Variants in MYO1E observed in about 807,000 individuals in gnomAD.
MYO1E encodes the protein myosin IE.
In MYO1E, 68 loss-of-function variants were observed where a neutral mutation model predicts 151.1. The ratio of observed to expected loss-of-function variants is 0.45; its 90% CI spans 0.37 to 0.55. The LOEUF is 0.55. Ranked by LOEUF, MYO1E falls within the 20% of genes least tolerant of loss-of-function variation. The pLI is 0.00. For synonymous variants in MYO1E, 601 were observed against 501.7 expected (o/e 1.20, Z -2.64); for missense variants, 1,363 against 1,389.3 (o/e 0.98, Z 0.30).
At chr15:59,341,409 T>C (rs1209168006) in intron 1 of MYO1E, 1 of 152,206 alleles carries the variant, frequency 6.6e-6, no homozygotes, top group Admixed American at 6.5e-5. Context: ...TACGTGTTAC[T>C]GTGAGCATGC....
At chr15:59,239,429 A>G (rs1256964083) in intron 4 of MYO1E, among the ~76,000 whole-genome samples, 3 of 151,496 alleles carry the variant, frequency 2.0e-5, no homozygotes, top group Non-Finnish European at 4.4e-5. Context: ...ACAAGCTGGG[A>G]AAGAGAGAGA....
intron 1 of MYO1E, among the ~76,000 whole-genome samples, chr15:59,369,999 C>G (rs2080935826): frequency 6.6e-6 from 1 of 152,086 alleles, no homozygotes; most frequent in Non-Finnish European, 1.5e-5. Flanking sequence ...TTAACTGAAA[C>G]AGGGTCTCAC....
intron 16 of MYO1E, among the ~76,000 whole-genome samples, chr15:59,200,866 T>C (rs956339145): frequency 8.5e-5 from 13 of 152,102 alleles, no homozygotes; most frequent in African/African-American, 2.9e-4. Flanking sequence ...GTGAGGGCAC[T>C]GAGAGCGTAA....
intron 9 of MYO1E, among the ~76,000 whole-genome samples, chr15:59,221,055 C>A (rs1183840461): frequency 7.0e-6 from 1 of 143,374 alleles, no homozygotes; most frequent in Non-Finnish European, 1.5e-5. Flanking sequence ...TATACACACA[C>A]ATAATTTTTT....
chr15:59,146,692 CATT>C (rs2079443412), intron 26 of MYO1E, among the ~76,000 whole-genome samples: 1 of 148,930 alleles, frequency 6.7e-6, no homozygotes, highest in African/African-American at 2.4e-5. Context: ...AATAAAGGCT[CATT>C]ATATATATAA....
At chr15:59,330,361 T>G (rs192412653) in intron 1 of MYO1E, among the ~76,000 whole-genome samples, 21 of 152,304 alleles carry the variant, frequency 1.4e-4, no homozygotes, top group African/African-American at 5.1e-4. Context: ...GAATCCAGTT[T>G]CCAGCTTTAA....
Position 59,205,497 on chromosome 15 carries a change from T to G in MYO1E, c.1531-12A>C. ...ATGTCATAGGATACCTGGCCAAGAA[T>G]GGAAAGAAATCGAATTTCATTGAAC... On this transcript the variant is annotated splice_polypyrimidine_tract_variant and intron_variant, in intron 14 of 27. Coordinates refer to ENST00000288235, the MANE Select transcript of MYO1E (RefSeq NM_004998.4). The G allele has an allele frequency of 6.2e-7, 1 of 1,606,342 alleles. No individual in the cohort carries two copies. The highest frequency in any genetic ancestry group is 8.5e-7 in the Non-Finnish European group (1 of 1,172,906).
At chr15:59,140,065 G>GTT (rs1437831075) in intron 26 of MYO1E, among the ~76,000 whole-genome samples, 16 of 129,442 alleles carry the variant, frequency 1.2e-4, no homozygotes, top group Non-Finnish European at 6.4e-5. Flanking sequence ...GGAATTCTCT[G>GTT]TTGTGTGTGT....
chr15:59,358,362 C>G (rs1439191615), intron 1 of MYO1E, among the ~76,000 whole-genome samples: 1 of 152,156 alleles, frequency 6.6e-6, no homozygotes, highest in South Asian at 2.1e-4. Context: ...ATGTCTCCTG[C>G]CTTCTCCAGC....
intron 26 of MYO1E, among the ~76,000 whole-genome samples, chr15:59,143,982 G>A (rs1214811030): frequency 6.6e-6 from 1 of 152,152 alleles, no homozygotes; most frequent in Non-Finnish European, 1.5e-5. Context: ...AGTGACTTGT[G>A]TGGCTATTTG....
chr15:59,275,270 A>G (rs1323534176), intron 1 of MYO1E, among the ~76,000 whole-genome samples: 3 of 152,188 alleles, frequency 2.0e-5, no homozygotes, highest in African/African-American at 7.2e-5. Flanking sequence ...AAAAAGACAT[A>G]CAATTTTTAT....
chr15:59,169,709 G>C (rs781339795), intron 22 of MYO1E, among the ~76,000 whole-genome samples: 1 of 152,130 alleles, frequency 6.6e-6, no homozygotes, highest in South Asian at 2.1e-4. Context: ...GTGCTCCCAT[G>C]ACAGATTATA....
Position 59,196,155 on chromosome 15 carries a change from C to T in MYO1E, c.1699-588G>A, listed in dbSNP as rs537357108. 2.0e-5 allele frequency among the ~76,000 whole-genome samples: 3 copies of T among 152,256 alleles called. No homozygotes were observed. In the South Asian group the frequency reaches 6.2e-4, roughly 32 times the overall value. On this transcript the variant is annotated intron_variant, in intron 16 of 27. Transcript: ENST00000288235. ...ATTCCATTTCATTCAGTTTCTTCCT[C>T]AATATGGCCATTTAAAAACCTGCAG...
chr15:59,261,634 C>T lies in MYO1E; in HGVS notation c.148-125G>A, dbSNP rs558876629. The T allele has an allele frequency of 4.3e-6, 3 of 694,024 alleles. No homozygotes were observed. The South Asian group carries it at 4.9e-5, about 11-fold the overall frequency. 43.0% of individuals were successfully genotyped at this position (694,024 alleles called of 1,614,324 possible). ...AGTGGAAAGTTTGTGTACTTGTTTT[C>T]TAAAAGATTACAAGTAAAGACGAAA... On this transcript the variant is annotated intron_variant, in intron 2 of 27. Transcript: ENST00000288235.
intron 4 of MYO1E, among the ~76,000 whole-genome samples, chr15:59,248,966 G>A (rs977415482): frequency 1.3e-5 from 2 of 152,154 alleles, no homozygotes; most frequent in Non-Finnish European, 2.9e-5. Flanking sequence ...ATGAATTGGG[G>A]TCTGATTCAC....
intron 1 of MYO1E, 151 bp downstream of exon 1, chr15:59,372,347 G>A (rs1232188090): frequency 2.1e-6 from 2 of 953,470 alleles, no homozygotes; most frequent in Non-Finnish European, 3.2e-6. Flanking sequence ...TACGGAAAGC[G>A]GCAGGAAATC....
intron 4 of MYO1E, among the ~76,000 whole-genome samples, chr15:59,250,625 C>T (rs553241219): frequency 4.6e-5 from 7 of 151,282 alleles, no homozygotes; most frequent in Admixed American, 2.6e-4. Context: ...CTGAACCTGG[C>T]GGGGGCGGGG....
chr15:59,303,636 GA>G (rs1446899213), intron 1 of MYO1E, among the ~76,000 whole-genome samples: 2 of 152,198 alleles, frequency 1.3e-5, no homozygotes, highest in Non-Finnish European at 2.9e-5. Flanking sequence ...TCTCTCCTCG[GA>G]GTAAGCAGCA....
At chr15:59,163,353 A>G in intron 22 of MYO1E, 50 bp from the exon 23 acceptor site, 1 of 1,567,606 alleles carries the variant, frequency 6.4e-7, no homozygotes, top group South Asian at 1.2e-5. Context: ...GCTTCTGTTT[A>G]CTCTATTGTT....
Sources: allele counts gnomAD v4.1 joint callset (sites outside exome capture counted in the v4.1 genomes callset), GRCh38; gene constraint gnomAD v4.1.1; transcripts MANE v1.5; gene names NCBI Gene and HGNC (gene_info 2026-07-23, HGNC 2026-07-21).